Variants in COQ8A observed in about 807,000 individuals in gnomAD.
COQ8A encodes the protein coenzyme Q8A.
COQ8A carries 51 observed loss-of-function variants against 65.0 expected under a neutral mutation model. The observed-to-expected ratio is 0.78, with a 90% CI of 0.63 to 0.99. The LOEUF (loss-of-function observed/expected upper bound fraction) is 0.99, where lower values mean the gene tolerates loss of function less well. COQ8A is among the 50% of genes least tolerant of loss of function. The pLI is 0.00. For synonymous variants in COQ8A, 371 were observed against 353.2 expected (o/e 1.05, Z -0.57); for missense variants, 940 against 875.0 (o/e 1.07, Z -0.94).
intron 4 of COQ8A, 37 bp downstream of exon 4, chr1:226,965,774 C>T: frequency 6.2e-7 from 1 of 1,603,468 alleles, no homozygotes; most frequent in East Asian, 2.2e-5. Context: ...GCCTCACCTG[C>T]CCTGCCTGGG....
At position 226,987,065 on chromosome 1, in the gene COQ8A, C is replaced by G; in HGVS notation, c.*328C>G. On this transcript the variant is annotated 3_prime_UTR_variant, in exon 15 of 15. Transcript: ENST00000366777. ...AAGCAGAAGGGAGAGAGTCCTTACT[C>G]CCTTCCAATCTCTGTTCAGTGCAAA... The G allele has an allele frequency of 2.5e-6, 1 of 404,252 alleles. No individual in the cohort carries two copies. Among genetic ancestry groups the G allele is most frequent in the South Asian group, 2.3e-5 (1 of 43,130 alleles). The allele number at this position is 404,252 out of a possible 1,614,324, so 25.0% of individuals were successfully genotyped here. A position where few individuals can be genotyped will look rare whatever the true frequency, so the allele number is the denominator to read the frequency against.
intron 11 of COQ8A, 134 bp downstream of exon 11, chr1:226,984,369 G>C (rs1315409290): frequency 7.1e-7 from 1 of 1,415,536 alleles, no homozygotes; most frequent in Non-Finnish European, 9.7e-7. Context: ...AGTAGCACCA[G>C]TGGGACTTAG....
At position 226,984,672 on chromosome 1, in the gene COQ8A, G is replaced by A. The variant is rs1435181284; in HGVS notation, c.1506+17G>A. 5 of 1,608,490 alleles carry A rather than the reference G, an allele frequency of 3.1e-6. No homozygotes were observed. Among genetic ancestry groups the A allele is most frequent in the East Asian group, 2.2e-5 (1 of 44,862 alleles). On this transcript the variant is annotated intron_variant, in intron 12 of 14. Coordinates refer to ENST00000366777, the MANE Select transcript of COQ8A (RefSeq NM_020247.5). ...CAGCACAAGGTGAGCCCCAGGGTGG[G>A]GGCACCCGCAGCCAGGCCTGAGAGC...
Position 226,982,666 on chromosome 1 carries a change from C to T in COQ8A, c.854-12C>T, listed in dbSNP as rs771911875. On this transcript the variant is annotated splice_polypyrimidine_tract_variant and intron_variant, in intron 6 of 14. Transcript: ENST00000366777. ...CCCCAGGTTCGCCCTGTGTCATTCT[C>T]CTGCCTTCCAGATGATGCCTTTATC... 24 of 1,612,498 alleles carry T rather than the reference C, an allele frequency of 1.5e-5. No homozygotes were observed. The highest frequency in any genetic ancestry group is 1.9e-4 in the Middle Eastern group (1 of 5,256).
chr1:226,964,435 T>G (rs1425094575), intron 2 of COQ8A, among the ~76,000 whole-genome samples: 2 of 152,152 alleles, frequency 1.3e-5, no homozygotes, highest in African/African-American at 4.8e-5. Flanking sequence ...CCCCTCCATT[T>G]CCCTGTACCC....
At chr1:226,962,860 G>GA (rs1658337275) in intron 2 of COQ8A, among the ~76,000 whole-genome samples, 1 of 152,190 alleles carries the variant, frequency 6.6e-6, no homozygotes, top group Admixed American at 6.5e-5. Context: ...CTCAGATGAG[G>GA]AAACTGAGGT....
chr1:226,950,686 C>A (rs993086525), intron 1 of COQ8A, among the ~76,000 whole-genome samples: 4 of 152,072 alleles, frequency 2.6e-5, no homozygotes, highest in African/African-American at 9.7e-5. Flanking sequence ...GCTGGTTCTG[C>A]TGCTCACAAA....
rs570679828 is a variant in COQ8A, at chr1:226,987,009, T to G, written c.*272T>G. The G allele has an allele frequency of 5.1e-5, 27 of 533,296 alleles. No homozygotes were observed. In the South Asian group the frequency reaches 5.7e-4, roughly 11 times the overall value. 33.0% of individuals were successfully genotyped at this position (533,296 alleles called of 1,614,324 possible). A position where few individuals can be genotyped will look rare whatever the true frequency, so the allele number is the denominator to read the frequency against. On this transcript the variant is annotated 3_prime_UTR_variant, in exon 15 of 15. Transcript: ENST00000366777. ...AGCAGATGAAGATGAAAGGGCAACTTTGTTTTCTTCTTTTTCCTGATGTGA... is the reference window on the plus strand; with the variant it reads ...AGCAGATGAAGATGAAAGGGCAACTGTGTTTTCTTCTTTTTCCTGATGTGA...
At position 226,972,367 on chromosome 1, in the gene COQ8A, G is replaced by A. The variant is rs545461909; in HGVS notation, c.656-5082G>A. On this transcript the variant is annotated intron_variant, in intron 4 of 14. Coordinates refer to ENST00000366777, the MANE Select transcript of COQ8A (RefSeq NM_020247.5). This position sits in a 1 kb window ranked among gnomAD's most constrained non-coding sequence, Gnocchi z 4.3. ...GAAAGGATTTTGAAATTTGACCTGT[G>A]AAAACAAGGAGATGCTCATATGAGA... is the stretch of plus-strand genomic sequence containing the variant. 6.6e-6 allele frequency among the ~76,000 whole-genome samples: 1 copy of A among 152,280 alleles called. No homozygotes were observed. The highest frequency in any genetic ancestry group is 2.1e-4 in the South Asian group (1 of 4,828).
intron 1 of COQ8A, among the ~76,000 whole-genome samples, chr1:226,960,429 G>GCTGGTGGTGCTT (rs1658147744): frequency 1.4e-5 from 1 of 71,032 alleles, no homozygotes; most frequent in African/African-American, 5.2e-5. Context: ...ACTTGGTGGT[G>GCTGGTGGTGCTT]GTACTTGGTG....
At chr1:226,942,771 G>A (rs750225810) in intron 1 of COQ8A, among the ~76,000 whole-genome samples, 1 of 152,200 alleles carries the variant, frequency 6.6e-6, no homozygotes, top group Non-Finnish European at 1.5e-5. Context: ...AAGCATCAGT[G>A]TCAAGGTCAG....
rs1006093394 is a variant in COQ8A at position 226,986,439 on chromosome 1, C to T, written c.1660-14C>T. 4.3e-6 allele frequency: 7 copies of T among 1,610,910 alleles called. No individual in the cohort carries two copies. The highest frequency in any genetic ancestry group is 5.9e-6 in the Non-Finnish European group (7 of 1,179,896). On this transcript the variant is annotated splice_polypyrimidine_tract_variant and intron_variant, in intron 14 of 14. Coordinates refer to ENST00000366777, the MANE Select transcript of COQ8A (RefSeq NM_020247.5). ...GGTGTCTCGCCGCCATTTATCCTTCCTCTCTTGCCCCAGGTCATGGAAGAC... is the reference window on the plus strand; with the variant it reads ...GGTGTCTCGCCGCCATTTATCCTTCTTCTCTTGCCCCAGGTCATGGAAGAC...
chr1:226,941,150 C>T (rs909955381), intron 1 of COQ8A, among the ~76,000 whole-genome samples: 1 of 152,154 alleles, frequency 6.6e-6, no homozygotes, highest in Non-Finnish European at 1.5e-5. Flanking sequence ...TGTTGGGACT[C>T]CCCATTTGGG....
At chr1:226,940,641 G>A (rs1656633100) in intron 1 of COQ8A, 2 of 152,306 alleles carry the variant, frequency 1.3e-5, no homozygotes, top group Admixed American at 1.3e-4. Flanking sequence ...TTCCTGCTTC[G>A]GGGAGGAGAC....
At chr1:226,960,090 GTGGTGA>G (rs1479151625) in intron 1 of COQ8A, among the ~76,000 whole-genome samples, 1 of 150,374 alleles carries the variant, frequency 6.7e-6, no homozygotes, top group African/African-American at 2.5e-5. Context: ...GGTGGTGGTG[GTGGTGA>G]TGGTACTTGG....
intron 5 of COQ8A, among the ~76,000 whole-genome samples, chr1:226,978,342 C>G (rs1229817043): frequency 7.1e-6 from 1 of 141,142 alleles, no homozygotes; most frequent in Non-Finnish European, 1.5e-5. Context: ...TATCCTCCAC[C>G]CACCCTCCAC....
At chr1:226,973,330 T>G (rs1224307865) in intron 4 of COQ8A, among the ~76,000 whole-genome samples, 1 of 152,164 alleles carries the variant, frequency 6.6e-6, no homozygotes, top group Non-Finnish European at 1.5e-5. Flanking sequence ...TTTCAGGAGC[T>G]CTGTGTTGGA....
chr1:226,969,004 G>A (rs1397388216), intron 4 of COQ8A, among the ~76,000 whole-genome samples: 5 of 151,230 alleles, frequency 3.3e-5, no homozygotes, highest in African/African-American at 7.3e-5. Flanking sequence ...GGGCTCTACC[G>A]TGGTTTTCTC....
At position 226,986,772 on chromosome 1, in the gene COQ8A, ACT is replaced by A. The variant is rs752077417; in HGVS notation, c.*41_*42del. The A allele has an allele frequency of 3.1e-6, 5 of 1,601,620 alleles. No individual in the cohort carries two copies. The highest frequency in any genetic ancestry group is 1.7e-4 in the Middle Eastern group (1 of 5,968). On this transcript the variant is annotated 3_prime_UTR_variant, in exon 15 of 15. Transcript: ENST00000366777. Reference sequence around the variant, plus strand: ...CCACGCCCAGGCCGGCTCCGCGGGAACTCTCTCCCTCAGACAGGCCAAAAACC... The same window carrying A: ...CCACGCCCAGGCCGGCTCCGCGGGAACTCTCCCTCAGACAGGCCAAAAACC...
Sources: allele counts gnomAD v4.1 joint callset (sites outside exome capture counted in the v4.1 genomes callset), GRCh38; gene constraint gnomAD v4.1.1; non-coding constraint Gnocchi (gnomAD v3.1); transcripts MANE v1.5; gene names NCBI Gene and HGNC (gene_info 2026-07-23, HGNC 2026-07-21).